The following ADGRL2 variants were observed in gnomAD, a reference collection of about 807,000 sequenced individuals.
ADGRL2 encodes the protein adhesion G protein-coupled receptor L2.
A neutral mutation model predicts 157.4 loss-of-function variants in ADGRL2; 44 were observed. The observed-to-expected ratio is 0.28, with a 90% confidence interval of 0.22 to 0.36. The LOEUF (loss-of-function observed/expected upper bound fraction) is 0.36, where lower values mean the gene tolerates loss of function less well. Among genes scored for constraint, ADGRL2 ranks in the 10% least tolerant of loss-of-function variants. The probability of loss-of-function intolerance (pLI) is 1.00; values close to 1 mark genes in which losing one functional copy is unlikely to be tolerated. For synonymous variants in ADGRL2, 585 were observed against 624.7 expected (o/e 0.94, Z 0.95); for missense variants, 1,510 against 1,768.9 (o/e 0.85, Z 2.63).
intron 2 of ADGRL2, among the ~76,000 whole-genome samples, chr1:81,568,675 G>A (rs1418914880): frequency 6.6e-6 from 1 of 152,050 alleles, no homozygotes; most frequent in Non-Finnish European, 1.5e-5. Flanking sequence ...TTAAAGAAGG[G>A]TTAGATAACT....
At chr1:81,694,819 G>A (rs1282325866), upstream of ADGRL2, among the ~76,000 whole-genome samples, 3 of 152,048 alleles carry the variant, frequency 2.0e-5, no homozygotes, top group African/African-American at 4.8e-5. Context: ...ACCATTCTCA[G>A]CAATAAATTA....
In ADGRL2 at chr1:81,969,235, A is replaced by AT. The variant is rs1658023531; in HGVS notation, c.2584dup (p.Ser862PhefsTer21). On this transcript the variant is annotated frameshift_variant, in exon 15 of 24. Transcript: ENST00000686636. LOFTEE classifies it high-confidence loss of function. ...AGTCATCACCTGGGTGGGAATTGTCATTTCCCTTGTTTGCCTGGCTATCTG... is the reference window on the plus strand; with the variant it reads ...AGTCATCACCTGGGTGGGAATTGTCATTTTCCCTTGTTTGCCTGGCTATCTG... 1.2e-6 allele frequency: 2 copies of AT among 1,614,038 alleles called. No individual in the cohort carries two copies. The highest frequency in any genetic ancestry group is 1.1e-5 in the South Asian group (1 of 91,074).
intron 3 of ADGRL2, among the ~76,000 whole-genome samples, chr1:81,679,212 G>C (rs1325912903): frequency 6.6e-6 from 1 of 152,136 alleles, no homozygotes; most frequent in East Asian, 1.9e-4. Context: ...AGGTGTAAGA[G>C]GAGTCAGTGT....
intron 2 of ADGRL2, among the ~76,000 whole-genome samples, chr1:81,476,378 T>C (rs1022049401): frequency 1.3e-5 from 2 of 151,960 alleles, no homozygotes; most frequent in African/African-American, 2.4e-5. Context: ...TTGTGAGGAG[T>C]AGGAAATGTA....
intron 2 of ADGRL2, among the ~76,000 whole-genome samples, chr1:81,568,919 T>C (rs2080623777): frequency 6.6e-6 from 1 of 152,154 alleles, no homozygotes. Flanking sequence ...ATAATACAGA[T>C]CTTATTTTTA....
intron 1 of ADGRL2, among the ~76,000 whole-genome samples, chr1:81,721,534 T>C (rs1208171876): frequency 2.0e-5 from 3 of 151,998 alleles, no homozygotes; most frequent in Non-Finnish European, 4.4e-5. Flanking sequence ...GATGGAACGA[T>C]CTCTTGAGCC....
chr1:81,669,272 G>A (rs537305747), intron 3 of ADGRL2, among the ~76,000 whole-genome samples: 15 of 152,092 alleles, frequency 9.9e-5, no homozygotes, highest in East Asian at 7.8e-4. Flanking sequence ...ACTTTTAGCC[G>A]CCACTGAGGC....
intron 1 of ADGRL2, among the ~76,000 whole-genome samples, chr1:81,390,079 G>A (rs1222340351): frequency 1.1e-4 from 2 of 17,770 alleles, no homozygotes; most frequent in African/African-American, 4.8e-4. Flanking sequence ...GTAGGCTGGT[G>A]AGTGGTAGAC....
intron 1 of ADGRL2, among the ~76,000 whole-genome samples, chr1:81,733,979 C>T (rs2084811652): frequency 6.6e-6 from 1 of 152,076 alleles, no homozygotes; most frequent in African/African-American, 2.4e-5. Context: ...TATCCCTGAA[C>T]TTAAACGTTA....
intron 2 of ADGRL2, among the ~76,000 whole-genome samples, chr1:81,517,464 CAAA>C (rs397956551): frequency 2.2e-5 from 1 of 45,278 alleles, no homozygotes; most frequent in Non-Finnish European, 4.2e-5. Context: ...GACTCCCTCT[CAAA>C]AAAAAAAAAA....
intron 1 of ADGRL2, among the ~76,000 whole-genome samples, chr1:81,444,468 A>G (rs1016956780): frequency 4.6e-5 from 7 of 152,296 alleles, no homozygotes; most frequent in Non-Finnish European, 8.8e-5. Context: ...ATATTCATTT[A>G]TTCTGCCTGT....
At position 81,502,848 on chromosome 1, in the gene ADGRL2, C is replaced by G. The variant is rs934603823; in HGVS notation, c.-248+57759C>G. ...CTGCCGCTGCCGAGGCCCCTGCCCT[C>G]CTCTCCCCACCCAAGATCCGCTTTC... On this transcript the variant is annotated intron_variant, in intron 2 of 24. Coordinates refer to the ADGRL2 transcript ENST00000370721. 3.7e-6 allele frequency: 6 copies of G among 1,612,890 alleles called. No homozygotes were observed. In the African/African-American group the frequency reaches 6.7e-5, roughly 18 times the overall value.
intron 3 of ADGRL2, among the ~76,000 whole-genome samples, chr1:81,608,327 G>A (rs77737642): frequency 0.13 from 19,084 of 152,152 alleles, 1,638 homozygotes; most frequent in Non-Finnish European, 0.18. Flanking sequence ...TGAGGCATCC[G>A]GGAAGGGAAG....
chr1:81,387,329 C>A lies in ADGRL2; in HGVS notation c.-301-57707C>A, dbSNP rs186971173. Reference sequence around the variant, plus strand: ...CCAGATCACAGAGAAGCAGATTATACCAGCAAAGTACTTCTGTCATAAACT... The same window carrying A: ...CCAGATCACAGAGAAGCAGATTATAACAGCAAAGTACTTCTGTCATAAACT... On this transcript the variant is annotated intron_variant, in intron 1 of 24. Coordinates refer to the ADGRL2 transcript ENST00000370721. Among the ~76,000 whole-genome samples the A allele has an allele frequency of 1.1e-3, 168 of 152,188 alleles. 2 individuals are homozygous for A. Among genetic ancestry groups the A allele is most frequent in the South Asian group, 0.01 (50 of 4,828 alleles).
At chr1:81,385,608 A>T (rs2076421521) in intron 1 of ADGRL2, among the ~76,000 whole-genome samples, 1 of 152,162 alleles carries the variant, frequency 6.6e-6, no homozygotes, top group East Asian at 1.9e-4. Flanking sequence ...AAAAAAAAAA[A>T]ATCCTAGATA....
At chr1:81,523,088 A>G (rs192597316) in intron 2 of ADGRL2, among the ~76,000 whole-genome samples, 2 of 152,306 alleles carry the variant, frequency 1.3e-5, no homozygotes, top group Non-Finnish European at 2.9e-5. Flanking sequence ...AGCAAACACT[A>G]TATGACGGAA....
chr1:81,327,850 C>T (rs558205310), intron 1 of ADGRL2, among the ~76,000 whole-genome samples: 1 of 152,232 alleles, frequency 6.6e-6, no homozygotes, highest in East Asian at 1.9e-4. Context: ...TATAGGTCAT[C>T]CTGATACATG....
chr1:81,321,451 T>C (rs1342419330), intron 1 of ADGRL2, among the ~76,000 whole-genome samples: 2 of 152,228 alleles, frequency 1.3e-5, no homozygotes, highest in Non-Finnish European at 2.9e-5. Flanking sequence ...CTAAGCTTCA[T>C]CATTTCTAGC....
chr1:81,364,232 C>T (rs1423642640), intron 1 of ADGRL2, among the ~76,000 whole-genome samples: 1 of 150,778 alleles, frequency 6.6e-6, no homozygotes, highest in Non-Finnish European at 1.5e-5. Context: ...TATGGCTTTG[C>T]CTTGGTCTAG....
Sources: allele counts gnomAD v4.1 joint callset (sites outside exome capture counted in the v4.1 genomes callset), GRCh38; gene constraint gnomAD v4.1.1; transcripts MANE v1.5; gene names NCBI Gene and HGNC (gene_info 2026-07-23, HGNC 2026-07-21).